Variants in MOSMO observed in about 807,000 individuals in gnomAD.
MOSMO encodes modulator of smoothened.
In MOSMO, 5 loss-of-function variants were observed where a neutral mutation model predicts 18.4. The observed-to-expected ratio is 0.27, with a 90% CI of 0.14 to 0.57. The LOEUF (loss-of-function observed/expected upper bound fraction) is 0.57, where lower values mean the gene tolerates loss of function less well. MOSMO is among the 20% of genes least tolerant of loss of function. The pLI is 0.92. For synonymous variants in MOSMO, 82 were observed against 82.3 expected, an observed-to-expected ratio of 1.00 and a Z score of 0.02; for missense variants, 138 against 211.8, an observed-to-expected ratio of 0.65 and a Z score of 2.16.
chr16:22,053,241 G>A (rs373121276), intron 1 of MOSMO, among the ~76,000 whole-genome samples: 1 of 152,010 alleles, frequency 6.6e-6, no homozygotes, highest in East Asian at 1.9e-4. Flanking sequence ...GGGATTACAG[G>A]CATGAGCCAC....
At chr16:22,077,863 C>G (rs1051919629) in intron 2 of MOSMO, among the ~76,000 whole-genome samples, 1 of 152,040 alleles carries the variant, frequency 6.6e-6, no homozygotes. Context: ...TTTTTGGTAC[C>G]AGAACGAGTG....
chr16:22,038,433 T>C (rs564694807), intron 1 of MOSMO, among the ~76,000 whole-genome samples: 59 of 152,190 alleles, frequency 3.9e-4, no homozygotes, highest in Non-Finnish European at 5.3e-4. Flanking sequence ...CCAAAGTTGA[T>C]AGATCAAGGA....
intron 1 of MOSMO, among the ~76,000 whole-genome samples, chr16:22,072,593 C>T (rs1231334950): frequency 1.3e-5 from 2 of 152,090 alleles, no homozygotes; most frequent in Non-Finnish European, 2.9e-5. Context: ...GGGCGGATCA[C>T]GAGGTCAGGA....
intron 1 of MOSMO, among the ~76,000 whole-genome samples, chr16:22,032,314 C>T (rs115372703): frequency 0.06 from 9,163 of 151,768 alleles, 877 homozygotes; most frequent in African/African-American, 0.21. Flanking sequence ...TTTAAGCCTC[C>T]GGAGTAGGTG....
downstream of MOSMO, chr16:22,089,888 A>ATT (rs537484125): frequency 1.4e-3 from 204 of 148,664 alleles, no homozygotes; most frequent in Admixed American, 2.2e-3. Context: ...TAGATCTCTG[A>ATT]TTTTTTTTTT....
chr16:22,017,727 C>A (rs1899669919), intron 1 of MOSMO, among the ~76,000 whole-genome samples: 1 of 151,978 alleles, frequency 6.6e-6, no homozygotes, highest in South Asian at 2.1e-4. Flanking sequence ...AATAATATAC[C>A]CTTACTGTGT....
At chr16:22,062,807 A>G (rs1482937752) in intron 1 of MOSMO, among the ~76,000 whole-genome samples, 1 of 152,138 alleles carries the variant, frequency 6.6e-6, no homozygotes, top group Non-Finnish European at 1.5e-5. Context: ...ACAGAGGTTA[A>G]TTAACTTGCC....
chr16:22,020,957 T>C (rs1225335451), intron 1 of MOSMO, among the ~76,000 whole-genome samples: 2 of 152,172 alleles, frequency 1.3e-5, no homozygotes, highest in East Asian at 1.9e-4. Context: ...GTGTAAGAGG[T>C]TTCCTGAAGT....
chr16:22,021,068 G>A (rs911625283), intron 1 of MOSMO, among the ~76,000 whole-genome samples: 2 of 151,932 alleles, frequency 1.3e-5, no homozygotes, highest in Admixed American at 1.3e-4. Flanking sequence ...GTGGGGGTGG[G>A]TAGGGGATGG....
downstream of MOSMO, among the ~76,000 whole-genome samples, chr16:22,088,034 G>C (rs1413585707): frequency 1.3e-5 from 2 of 151,588 alleles, no homozygotes; most frequent in Non-Finnish European, 2.9e-5. Flanking sequence ...ACCTGCCACT[G>C]CTTTTTTTTT....
At chr16:22,032,860 A>G (rs969839775) in intron 1 of MOSMO, among the ~76,000 whole-genome samples, 6 of 152,148 alleles carry the variant, frequency 3.9e-5, no homozygotes, top group African/African-American at 1.2e-4. Context: ...AGTTAATTTT[A>G]TATATGGTGT....
At chr16:22,017,124 A>G (rs533468184) in intron 1 of MOSMO, among the ~76,000 whole-genome samples, 47 of 152,322 alleles carry the variant, frequency 3.1e-4, no homozygotes, top group South Asian at 1.7e-3. Context: ...ACCCATTTCA[A>G]TGCATACTTA....
At chr16:22,056,365 C>CTTTTTTTTTTTTTTTTTTT (rs35642716) in intron 1 of MOSMO, among the ~76,000 whole-genome samples, 3 of 54,630 alleles carry the variant, frequency 5.5e-5, no homozygotes, top group Admixed American at 5.9e-4. Context: ...TTCTTTCTTT[C>CTTTTTTTTTTTTTTTTTTT]TTTTTTTTTT....
At chr16:22,048,831 T>G (rs1900366372) in intron 1 of MOSMO, among the ~76,000 whole-genome samples, 2 of 152,142 alleles carry the variant, frequency 1.3e-5, no homozygotes, top group South Asian at 4.1e-4. Context: ...TATAGTTCTC[T>G]TTTTTATGTT....
intron 1 of MOSMO, among the ~76,000 whole-genome samples, chr16:22,068,198 G>C (rs2141769847): frequency 6.6e-6 from 1 of 152,282 alleles, no homozygotes; most frequent in South Asian, 2.1e-4. Context: ...TTATAAAAGT[G>C]TGTTAGGCTT....
At chr16:22,058,567 CTTTTG>C (rs1251731200) in intron 1 of MOSMO, among the ~76,000 whole-genome samples, 2 of 151,920 alleles carry the variant, frequency 1.3e-5, no homozygotes, top group East Asian at 1.9e-4. Context: ...ACAGGATAGA[CTTTTG>C]TTTAGGAGGT....
At chr16:22,027,435 C>T (rs1202128793) in intron 1 of MOSMO, among the ~76,000 whole-genome samples, 2 of 152,216 alleles carry the variant, frequency 1.3e-5, no homozygotes, top group Non-Finnish European at 2.9e-5. Flanking sequence ...TTCTAACCAA[C>T]TCCTTCTAGC....
intron 1 of MOSMO, among the ~76,000 whole-genome samples, chr16:22,052,367 A>G (rs543361343): frequency 1.3e-5 from 2 of 152,218 alleles, no homozygotes; most frequent in Non-Finnish European, 2.9e-5. Context: ...AGGTATTGGC[A>G]AGAATATGTA....
chr16:22,054,963 GT>G (rs777477970), intron 1 of MOSMO, among the ~76,000 whole-genome samples: 6,741 of 145,064 alleles, frequency 0.046, 253 homozygotes, highest in African/African-American at 0.11. Flanking sequence ...AAAGATAGGG[GT>G]TTTTTTTTTT....
Sources: gnomAD v4.1 joint callset for allele counts (sites outside exome capture counted in the v4.1 genomes callset) on GRCh38, gnomAD v4.1.1 for gene constraint, MANE v1.5 for transcripts, NCBI Gene and HGNC (gene_info 2026-07-23, HGNC 2026-07-21) for gene names.